The following PTPN13 variants were observed in gnomAD, a reference collection of about 807,000 sequenced individuals.
PTPN13 encodes the protein tyrosine-protein phosphatase non-receptor type 13.
A neutral mutation model predicts 284.0 loss-of-function variants in PTPN13; 191 were observed. The observed-to-expected ratio is 0.67, with a 90% CI of 0.60 to 0.76. PTPN13 has a LOEUF of 0.76. PTPN13 is among the 30% of genes least tolerant of loss of function. The pLI is 0.00. For synonymous variants in PTPN13, 986 were observed against 1,022.3 expected (o/e 0.96, Z 0.68); for missense variants, 2,797 against 2,939.9 (o/e 0.95, Z 1.12).
In PTPN13 at chr4:86,811,099, TCAGA is replaced by T; in HGVS notation, c.7358_7361del (p.Thr2453ArgfsTer15). On this transcript the variant is annotated frameshift_variant, in exon 47 of 48. Coordinates refer to ENST00000411767, the MANE Select transcript of PTPN13 (RefSeq NM_080683.3). LOFTEE classifies it high-confidence loss of function. ...TGAGACTACAAAGACACGGAATGGT[TCAGA>T]CAGAGGTGAGTCATGGCTGGGCCTC... The T allele has an allele frequency of 6.2e-7, 1 of 1,613,364 alleles. No individual in the cohort carries two copies. The highest frequency in any genetic ancestry group is 1.1e-5 in the South Asian group (1 of 91,002).
At chr4:86,783,207 A>T (rs1317110604) in intron 37 of PTPN13, among the ~76,000 whole-genome samples, 1 of 152,210 alleles carries the variant, frequency 6.6e-6, no homozygotes, top group Admixed American at 6.5e-5. Flanking sequence ...AAGCCATGAA[A>T]AGATAATTAC....
chr4:86,663,025 A>G (rs1578366347), intron 2 of PTPN13, among the ~76,000 whole-genome samples: 1 of 152,226 alleles, frequency 6.6e-6, no homozygotes, highest in Middle Eastern at 3.2e-3. Context: ...TTAAAAATAA[A>G]TGAGTAAATA....
chr4:86,782,264 T>C lies in PTPN13; in HGVS notation c.6024+2T>C. Reference sequence around the variant, plus strand: ...ACTCCTAATGATTCATTCTCCACGGTAAGAAAAAGCCCACCCTCTTTCATG... The same window carrying C: ...ACTCCTAATGATTCATTCTCCACGGCAAGAAAAAGCCCACCCTCTTTCATG... On this transcript the variant is annotated splice_donor_variant, in intron 37 of 47. Transcript: ENST00000411767. LOFTEE classifies it high-confidence loss of function. The C allele has an allele frequency of 6.2e-7, 1 of 1,602,296 alleles. No individual in the cohort carries two copies. The highest frequency in any genetic ancestry group is 2.2e-5 in the East Asian group (1 of 44,802).
intron 7 of PTPN13, among the ~76,000 whole-genome samples, chr4:86,715,312 T>C (rs1204719599): frequency 6.6e-6 from 1 of 152,146 alleles, no homozygotes; most frequent in African/African-American, 2.4e-5. Flanking sequence ...TCCTCAAAAC[T>C]TTGATTATAT....
intron 38 of PTPN13, 21 bp downstream of exon 38, chr4:86,784,579 T>C: frequency 6.8e-7 from 1 of 1,478,374 alleles, no homozygotes; most frequent in Admixed American, 1.8e-5. Flanking sequence ...AAATCAGTCA[T>C]CTAATTACTC....
intron 40 of PTPN13, among the ~76,000 whole-genome samples, chr4:86,787,549 G>A (rs1456907331): frequency 1.3e-5 from 2 of 150,500 alleles, no homozygotes; most frequent in African/African-American, 4.9e-5. Flanking sequence ...CCGAAATCAC[G>A]CCATTGCCCT....
chr4:86,807,992 G>A, intron 45 of PTPN13, 95 bp downstream of exon 45: 1 of 1,114,338 alleles, frequency 9.0e-7, no homozygotes, highest in Non-Finnish European at 1.3e-6. Context: ...GTTATTTCTA[G>A]ATAAAAGACA....
chr4:86,662,204 C>T (rs1726575965), intron 2 of PTPN13, among the ~76,000 whole-genome samples: 1 of 152,136 alleles, frequency 6.6e-6, no homozygotes, highest in Non-Finnish European at 1.5e-5. Context: ...ATTGCTTTGA[C>T]AAAATTGTTA....
intron 40 of PTPN13, among the ~76,000 whole-genome samples, chr4:86,794,471 C>T (rs553222747): frequency 6.6e-6 from 1 of 152,160 alleles, no homozygotes; most frequent in Non-Finnish European, 1.5e-5. Context: ...GGCCATACTG[C>T]CCAAAGTAAT....
In PTPN13 at chr4:86,762,818, C is replaced by G. The variant is rs1433914410; in HGVS notation, c.3645C>G (p.Ser1215=). 6.2e-7 allele frequency: 1 copy of G among 1,613,766 alleles called. No individual in the cohort carries two copies. The highest frequency in any genetic ancestry group is 1.7e-5 in the Admixed American group (1 of 60,018). Residue 1215 remains serine (S), a synonymous_variant, in exon 24 of 48, where the codon TCC becomes TCG. Coordinates refer to ENST00000411767, the MANE Select transcript of PTPN13 (RefSeq NM_080683.3). The part of the protein sequence containing the change: ...YMQDSAIDSS[S]KDHHWSRGTL... ...AAGACAGTGCTATAGATTCTTCTTC[C>G]AAGGATCACCACTGGTCACGTGGTA...
intron 1 of PTPN13, among the ~76,000 whole-genome samples, chr4:86,629,017 C>G (rs1225073260): frequency 6.6e-6 from 1 of 152,026 alleles, no homozygotes; most frequent in African/African-American, 2.4e-5. Flanking sequence ...GGTATATACC[C>G]AGTCAGGACA....
chr4:86,761,159 TATATATATATAA>T (rs1293503218), intron 23 of PTPN13, among the ~76,000 whole-genome samples: 2 of 146,088 alleles, frequency 1.4e-5, no homozygotes, highest in African/African-American at 5.0e-5. Flanking sequence ...TATATATATA[TATATATATATAA>T]ACACAACACA....
chr4:86,672,856 T>C (rs1565289045), intron 3 of PTPN13, among the ~76,000 whole-genome samples: 1 of 152,228 alleles, frequency 6.6e-6, no homozygotes, highest in Non-Finnish European at 1.5e-5. Context: ...GATTAACATG[T>C]ACAGAACAAT....
chr4:86,595,776 G>A (rs1763639042), intron 1 of PTPN13: 10 of 985,496 alleles, frequency 1.0e-5, no homozygotes, highest in Non-Finnish European at 1.1e-5. Context: ...TCTGTGGGAT[G>A]AAGGGCGCTG....
chr4:86,669,490 T>C (rs1224556960), intron 2 of PTPN13, among the ~76,000 whole-genome samples: 2 of 152,012 alleles, frequency 1.3e-5, no homozygotes, highest in Non-Finnish European at 2.9e-5. Context: ...TACAACTTAA[T>C]AAAAAAGGAG....
chr4:86,726,382 G>A lies in PTPN13; in HGVS notation c.1608+3948G>A. Among the ~76,000 whole-genome samples the A allele has an allele frequency of 1.3e-5, 2 of 149,126 alleles. 1 individual carries two copies. The highest frequency in any genetic ancestry group is 3.0e-5 in the Non-Finnish European group (2 of 66,516). Reference sequence around the variant, plus strand: ...AAGTCATTGGTAGTCTGATGGGGATGGTATTGAATCTATAAATTACTTTGG... The same window carrying A: ...AAGTCATTGGTAGTCTGATGGGGATAGTATTGAATCTATAAATTACTTTGG... On this transcript the variant is annotated intron_variant, in intron 10 of 47. Coordinates refer to ENST00000411767, the MANE Select transcript of PTPN13 (RefSeq NM_080683.3).
At chr4:86,697,106 T>C (rs926295738) in intron 6 of PTPN13, among the ~76,000 whole-genome samples, 4 of 152,120 alleles carry the variant, frequency 2.6e-5, no homozygotes, top group Non-Finnish European at 2.9e-5. Flanking sequence ...AAAAAAAAAT[T>C]ATCTCTTGAA....
intron 1 of PTPN13, among the ~76,000 whole-genome samples, chr4:86,631,720 G>A (rs1479016317): frequency 6.6e-6 from 1 of 152,026 alleles, no homozygotes; most frequent in Non-Finnish European, 1.5e-5. Flanking sequence ...ATTCGTACCC[G>A]ATTCAATCAA....
chr4:86,614,279 AT>A (rs1042581246), intron 1 of PTPN13, among the ~76,000 whole-genome samples: 4 of 152,116 alleles, frequency 2.6e-5, no homozygotes, highest in African/African-American at 9.7e-5. Flanking sequence ...CCCACTCTAA[AT>A]TACTCTGTTT....
Sources: gnomAD v4.1 joint callset for allele counts (sites outside exome capture counted in the v4.1 genomes callset) on GRCh38, gnomAD v4.1.1 for gene constraint, MANE v1.5 for transcripts, NCBI Gene and HGNC (gene_info 2026-07-23, HGNC 2026-07-21) for gene names.